The following LSAMP variants were observed in gnomAD, a reference collection of about 807,000 sequenced individuals.
The protein encoded by LSAMP is limbic system-associated membrane protein.
A neutral mutation model predicts 38.6 loss-of-function variants in LSAMP; 7 were observed. That is an observed-to-expected ratio of 0.18 (90% CI 0.10 to 0.34). The LOEUF is 0.34. Ranked by LOEUF, LSAMP falls within the 10% of genes least tolerant of loss-of-function variation. The pLI is 1.00. For synonymous variants in LSAMP, 154 were observed against 166.8 expected, an observed-to-expected ratio of 0.92 and a Z score of 0.59; for missense variants, 313 against 420.0, an observed-to-expected ratio of 0.75 and a Z score of 2.23.
chr3:116,082,751 C>CTG (rs1707899559), intron 2 of LSAMP, among the ~76,000 whole-genome samples: 1 of 152,138 alleles, frequency 6.6e-6, no homozygotes, highest in African/African-American at 2.4e-5. Flanking sequence ...GTAGGTGGGG[C>CTG]TGTAGGCTAT....
chr3:115,999,985 A>G (rs527303556), intron 3 of LSAMP, among the ~76,000 whole-genome samples: 10 of 152,194 alleles, frequency 6.6e-5, no homozygotes, highest in East Asian at 3.9e-4. Context: ...ATGCAGGGGT[A>G]TGTGTGGTGT....
At chr3:116,296,334 T>C (rs1004266437) in intron 1 of LSAMP, among the ~76,000 whole-genome samples, 1 of 152,078 alleles carries the variant, frequency 6.6e-6, no homozygotes, top group African/African-American at 2.4e-5. Flanking sequence ...ACTATACTGT[T>C]TGACCACAGC....
intron 1 of LSAMP, among the ~76,000 whole-genome samples, chr3:116,228,538 T>C (rs1483050064): frequency 6.6e-6 from 1 of 152,078 alleles, no homozygotes; most frequent in Admixed American, 6.5e-5. Context: ...TAAATGAACC[T>C]AGAAATTGAT....
At chr3:116,157,878 C>G (rs1709790905) in intron 1 of LSAMP, among the ~76,000 whole-genome samples, 1 of 151,822 alleles carries the variant, frequency 6.6e-6, no homozygotes, top group South Asian at 2.1e-4. Context: ...ATCCTGATAC[C>G]AAAACCTGGC....
At chr3:115,923,528 T>C (rs1937430171) in intron 3 of LSAMP, among the ~76,000 whole-genome samples, 2 of 152,216 alleles carry the variant, frequency 1.3e-5, no homozygotes, top group Admixed American at 6.5e-5. Context: ...TTTTGCTATC[T>C]TGTTGATATC....
intron 2 of LSAMP, among the ~76,000 whole-genome samples, chr3:116,045,928 C>T (rs1169851199): frequency 6.6e-6 from 1 of 152,190 alleles, no homozygotes; most frequent in Admixed American, 6.5e-5. Context: ...CCCAAAGTTT[C>T]ATAGCTTACA....
At chr3:116,237,818 G>A (rs2046485156) in intron 1 of LSAMP, among the ~76,000 whole-genome samples, 1 of 152,152 alleles carries the variant, frequency 6.6e-6, no homozygotes, top group Non-Finnish European at 1.5e-5. Context: ...CATTAACTAA[G>A]TTCTCATGCA....
At chr3:116,230,841 A>G (rs2046395534) in intron 1 of LSAMP, among the ~76,000 whole-genome samples, 1 of 152,206 alleles carries the variant, frequency 6.6e-6, no homozygotes, top group African/African-American at 2.4e-5. Context: ...AAAATTAATT[A>G]AAATGAGATG....
chr3:115,903,150 T>A (rs575763109), intron 3 of LSAMP, among the ~76,000 whole-genome samples: 5 of 152,296 alleles, frequency 3.3e-5, no homozygotes, highest in African/African-American at 1.2e-4. Context: ...TGGAACACTA[T>A]GCAGCCATAA....
chr3:115,911,509 G>A (rs544580733), intron 3 of LSAMP, among the ~76,000 whole-genome samples: 3 of 151,970 alleles, frequency 2.0e-5, no homozygotes, highest in Admixed American at 6.6e-5. Context: ...CTGCCACCAC[G>A]CCTGGCTAAT....
At chr3:116,319,888 G>GA (rs1380653287) in intron 1 of LSAMP, among the ~76,000 whole-genome samples, 1 of 151,900 alleles carries the variant, frequency 6.6e-6, no homozygotes, top group Non-Finnish European at 1.5e-5. Context: ...GCTCCCCAGG[G>GA]AAGATGGAAA....
At chr3:115,880,639 C>T (rs1035270870) in intron 3 of LSAMP, among the ~76,000 whole-genome samples, 1 of 152,006 alleles carries the variant, frequency 6.6e-6, no homozygotes, top group Non-Finnish European at 1.5e-5. Context: ...ATTAATGTAA[C>T]CACTGAGTAA....
chr3:116,285,202 C>A (rs2047177278), intron 1 of LSAMP, among the ~76,000 whole-genome samples: 1 of 152,118 alleles, frequency 6.6e-6, no homozygotes. Flanking sequence ...ACCAGGTGAT[C>A]TTTTAAAATG....
At chr3:116,346,980 T>C (rs72950164) in intron 1 of LSAMP, among the ~76,000 whole-genome samples, 177 of 152,300 alleles carry the variant, frequency 1.2e-3, no homozygotes, top group African/African-American at 4.0e-3. Context: ...AATGATAAAA[T>C]GATTTATTTA....
intron 3 of LSAMP, among the ~76,000 whole-genome samples, chr3:115,863,156 A>G (rs1559856560): frequency 6.6e-6 from 1 of 152,224 alleles, no homozygotes; most frequent in African/African-American, 2.4e-5. Context: ...AAGTCACTTC[A>G]TTTAAAAAGC....
intron 3 of LSAMP, among the ~76,000 whole-genome samples, chr3:115,978,820 T>C (rs540840451): frequency 1.3e-5 from 2 of 152,198 alleles, no homozygotes; most frequent in Non-Finnish European, 2.9e-5. Flanking sequence ...AGTGCTACCA[T>C]GATAAAAGGA....
At chr3:115,954,953 G>GTT (rs1257314299) in intron 3 of LSAMP, among the ~76,000 whole-genome samples, 3 of 38,614 alleles carry the variant, frequency 7.8e-5, no homozygotes, top group Admixed American at 4.5e-4. Flanking sequence ...TTCTGTTTTT[G>GTT]TTTTTGTTTT....
chr3:116,440,104 C>T (rs1219221065), intron 1 of LSAMP, among the ~76,000 whole-genome samples: 1 of 152,144 alleles, frequency 6.6e-6, no homozygotes, highest in Non-Finnish European at 1.5e-5. Flanking sequence ...AAGGATAGAT[C>T]CAAATTCAGA....
At chr3:115,953,852 G>A (rs1166706103) in intron 3 of LSAMP, among the ~76,000 whole-genome samples, 3 of 152,160 alleles carry the variant, frequency 2.0e-5, no homozygotes, top group African/African-American at 7.2e-5. Context: ...CCCTTTGGTA[G>A]TCTTGATCCC....
Sources: gnomAD v4.1 joint callset for allele counts (sites outside exome capture counted in the v4.1 genomes callset) on GRCh38, gnomAD v4.1.1 for gene constraint, MANE v1.5 for transcripts, NCBI Gene and HGNC (gene_info 2026-07-23, HGNC 2026-07-21) for gene names.